SMG6: variants seen among roughly 807,000 people sequenced by gnomAD.
The protein encoded by SMG6 is SMG6 nonsense mediated mRNA decay factor, also known as telomerase-binding protein EST1A.
A neutral mutation model predicts 142.2 loss-of-function variants in SMG6; 66 were observed. The observed-to-expected ratio is 0.46, with a 90% CI of 0.38 to 0.57. SMG6 has a LOEUF of 0.57. Among genes scored for constraint, SMG6 ranks in the 20% least tolerant of loss-of-function variants. SMG6 has a pLI of 0.00. For synonymous variants in SMG6, 779 were observed against 702.4 expected (o/e 1.11, Z -1.72); for missense variants, 1,793 against 1,832.0 (o/e 0.98, Z 0.39).
intron 13 of SMG6, among the ~76,000 whole-genome samples, chr17:2,147,074 T>C (rs2070691269): frequency 6.6e-6 from 1 of 151,274 alleles, no homozygotes; most frequent in African/African-American, 2.4e-5. Flanking sequence ...TGAGATAGAG[T>C]TTTTGTTCGT....
In SMG6 at chr17:2,114,790, G is replaced by A. The variant is rs377441291; in HGVS notation, c.3358-28889C>T. On this transcript the variant is annotated intron_variant, in intron 13 of 18. Transcript: ENST00000263073. Reference sequence around the variant, plus strand: ...CTAAAAATACAAAAATCAGTTGGGCGTGGTGGCAGGCGCCTGTAATCCCAG... The same window carrying A: ...CTAAAAATACAAAAATCAGTTGGGCATGGTGGCAGGCGCCTGTAATCCCAG... 6.6e-5 allele frequency among the ~76,000 whole-genome samples: 10 copies of A among 151,774 alleles called. 1 individual carries two copies. Among genetic ancestry groups the A allele is most frequent in the East Asian group, 5.8e-4 (3 of 5,178 alleles).
intron 6 of SMG6, among the ~76,000 whole-genome samples, chr17:2,291,851 T>TAAAAAA (rs757731719): frequency 3.3e-4 from 33 of 100,800 alleles, no homozygotes; most frequent in African/African-American, 1.2e-3. Flanking sequence ...CCTGCCTCTC[T>TAAAAAA]TAAAAAAAAA....
At chr17:2,167,131 CA>C (rs57898779) in intron 13 of SMG6, among the ~76,000 whole-genome samples, 3,927 of 35,170 alleles carry the variant, frequency 0.11, 10 homozygotes, top group East Asian at 0.38. Flanking sequence ...GACTCCATCT[CA>C]AAAAAAAAAA....
Position 2,244,698 on chromosome 17 carries a change from T to C in SMG6, c.2683A>G (p.Ser895Gly). 1 of 1,613,984 alleles carries C rather than the reference T, an allele frequency of 6.2e-7. No homozygotes were observed. Residue 895 changes from serine to glycine, a missense_variant, in exon 9 of 19, where the codon AGT becomes GGT. This residue lies in a region of SMG6 where 1,597 missense variants were observed against 1,584.6 expected (regional missense o/e 1.01). Coordinates refer to ENST00000263073, the MANE Select transcript of SMG6 (RefSeq NM_017575.5). The stretch of plus-strand genomic sequence containing the variant: ...AGCTTCCCATGGGCATGGAGAAAAC[T>C]GAGGATGAACCTTTTGTTCAGCTGC... ...PSDLNKRFILSFLHAHGKLFT... is the reference protein window; with the variant it reads ...PSDLNKRFILGFLHAHGKLFT...
chr17:2,300,580 C>T lies in SMG6; in HGVS notation c.173G>A (p.Arg58Gln), dbSNP rs777909794. ...CTTGATTTTGGGCTTGTTCCTTAGC[C>T]GAGAAAGGCCAGGCTTATAGATTTC... ...DLEIYKPGLS[R>Q]LRNKPKIKEP... Residue 58 changes from arginine to glutamine, a missense_variant, in exon 2 of 19, where the codon CGG becomes CAG. Transcript: ENST00000263073. The T allele has an allele frequency of 3.1e-5, 50 of 1,613,844 alleles. No individual in the cohort carries two copies. The highest frequency in any genetic ancestry group is 4.0e-5 in the African/African-American group (3 of 74,878).
chr17:2,119,031 C>G (rs2069597169), intron 13 of SMG6, among the ~76,000 whole-genome samples: 1 of 150,514 alleles, frequency 6.6e-6, no homozygotes, highest in Non-Finnish European at 1.5e-5. Flanking sequence ...TGCTGAGTAG[C>G]TGGGATTACA....
At chr17:2,090,126 T>C (rs1373490508) in intron 13 of SMG6, among the ~76,000 whole-genome samples, 2 of 138,330 alleles carry the variant, frequency 1.4e-5, no homozygotes, top group Middle Eastern at 4.2e-3. Context: ...GAGGTTGCAG[T>C]GAGCCGAGAT....
intron 10 of SMG6, among the ~76,000 whole-genome samples, chr17:2,232,339 G>A (rs146752103): frequency 6.6e-6 from 1 of 152,276 alleles, no homozygotes; most frequent in Non-Finnish European, 1.5e-5. Flanking sequence ...GTTAAATACG[G>A]AGGCACGTGG....
At chr17:2,303,235 C>G (rs2075325311) in intron 1 of SMG6, 1 of 1,028,076 alleles carries the variant, frequency 9.7e-7, no homozygotes, top group African/African-American at 1.7e-5. Flanking sequence ...GACGTTAAAG[C>G]GGTGGCCGGG....
chr17:2,119,810 C>T (rs1049351048), intron 13 of SMG6, among the ~76,000 whole-genome samples: 53 of 152,238 alleles, frequency 3.5e-4, no homozygotes, highest in African/African-American at 1.2e-3. Context: ...TACAGACGCC[C>T]GCTGCCATGC....
intron 6 of SMG6, among the ~76,000 whole-genome samples, chr17:2,288,715 G>A (rs1033652596): frequency 6.6e-6 from 1 of 151,638 alleles, no homozygotes; most frequent in Non-Finnish European, 1.5e-5. Context: ...GATCACTTAG[G>A]AGCTCAGGAG....
chr17:2,113,650 G>T (rs958783911), intron 13 of SMG6, among the ~76,000 whole-genome samples: 1 of 152,184 alleles, frequency 6.6e-6, no homozygotes, highest in Non-Finnish European at 1.5e-5. Context: ...AAAACCCATG[G>T]CCTCAAAACC....
intron 13 of SMG6, chr17:2,088,660 C>G (rs1325969913): frequency 1.0e-6 from 1 of 985,304 alleles, no homozygotes; most frequent in African/African-American, 1.7e-5. Context: ...GCAATCCAAG[C>G]AGCAGGGAGG....
At chr17:2,230,582 A>C (rs1000281491) in intron 10 of SMG6, among the ~76,000 whole-genome samples, 1 of 152,118 alleles carries the variant, frequency 6.6e-6, no homozygotes, top group African/African-American at 2.4e-5. Context: ...GCCTAAATAC[A>C]TTCTGAAAAC....
Position 2,061,468 on chromosome 17 carries a change from G to GT in SMG6, c.*23_*24insA, listed in dbSNP as rs774357112. On this transcript the variant is annotated 3_prime_UTR_variant, in exon 19 of 19. Transcript: ENST00000263073. ...TGGCCTTTCAGGAACGGTTCCACGG[G>GT]GGGGGGGCCCCAGTGTGGCTCCCTC... is the stretch of plus-strand genomic sequence containing the variant. 8.3e-6 allele frequency: 13 copies of GT among 1,565,296 alleles called. No homozygotes were observed. The highest frequency in any genetic ancestry group is 4.7e-5 in the East Asian group (2 of 42,684).
chr17:2,161,194 G>A (rs918193408), intron 13 of SMG6, among the ~76,000 whole-genome samples: 5 of 150,058 alleles, frequency 3.3e-5, no homozygotes, highest in Non-Finnish European at 7.4e-5. Flanking sequence ...TGCAACCTCT[G>A]CCTCCTGGGT....
Position 2,186,865 on chromosome 17 carries a change from T to C in SMG6, c.2987-34A>G, listed in dbSNP as rs552558800. On this transcript the variant is annotated intron_variant, in intron 11 of 18. Transcript: ENST00000263073. ...GCAAAGGGTGAGAACTGGGCCTATG[T>C]CTGCTGTAGCCCCCGAGTGAGGCCT... 3.1e-6 allele frequency: 5 copies of C among 1,607,852 alleles called. No homozygotes were observed. The Admixed American group carries it at 5.1e-5, about 16-fold the overall frequency.
At chr17:2,246,566 T>C (rs1029644363) in intron 8 of SMG6, among the ~76,000 whole-genome samples, 4 of 152,246 alleles carry the variant, frequency 2.6e-5, no homozygotes, top group Admixed American at 2.6e-4. Context: ...ATTTAATTTA[T>C]AGATAAAAAG....
At chr17:2,148,730 G>A (rs2070741028) in intron 13 of SMG6, among the ~76,000 whole-genome samples, 1 of 151,846 alleles carries the variant, frequency 6.6e-6, no homozygotes, top group African/African-American at 2.4e-5. Context: ...GTGGTGGCAG[G>A]CACCTGTAAT....
Sources: allele counts gnomAD v4.1 joint callset (sites outside exome capture counted in the v4.1 genomes callset), GRCh38; gene constraint gnomAD v4.1.1; regional missense constraint gnomAD v4.1.1; transcripts MANE v1.5; gene names NCBI Gene and HGNC (gene_info 2026-07-23, HGNC 2026-07-21).